Variants in WAC observed in about 807,000 individuals in gnomAD.
The protein encoded by WAC is WW domain-containing adapter protein with coiled-coil.
WAC carries 11 observed loss-of-function variants against 79.6 expected under a neutral mutation model. The ratio of observed to expected loss-of-function variants is 0.14; its 90% CI spans 0.09 to 0.23. The LOEUF is 0.23. WAC is among the 10% of genes least tolerant of loss of function. The probability of loss-of-function intolerance (pLI) is 1.00; values close to 1 mark genes in which losing one functional copy is unlikely to be tolerated. For missense variants in WAC, 728 were observed against 773.5 expected, an observed-to-expected ratio of 0.94 and a Z score of 0.70; for synonymous variants, 304 against 276.9, an observed-to-expected ratio of 1.10 and a Z score of -0.97.
At chr10:28,533,950 C>G (rs754715301) in intron 1 of WAC, 48 bp from the exon 2 acceptor site, 1 of 1,601,866 alleles carries the variant, frequency 6.2e-7, no homozygotes, top group Non-Finnish European at 8.5e-7. Context: ...CCCCGGCCCC[C>G]CACCCGCGCC....
At chr10:28,574,373 C>T (rs1261286763) in intron 3 of WAC, among the ~76,000 whole-genome samples, 1 of 151,908 alleles carries the variant, frequency 6.6e-6, no homozygotes. Context: ...GTCTCAAACT[C>T]CTGACCTCGG....
intron 2 of WAC, 159 bp from the exon 3 acceptor site, chr10:28,535,403 G>C: frequency 1.5e-6 from 1 of 687,398 alleles, no homozygotes; most frequent in Non-Finnish European, 2.1e-6. Context: ...TAGGTTTTTT[G>C]TCTGAGAAAC....
At chr10:28,543,878 T>C (rs1837198056) in intron 3 of WAC, among the ~76,000 whole-genome samples, 1 of 151,868 alleles carries the variant, frequency 6.6e-6, no homozygotes, top group Non-Finnish European at 1.5e-5. Context: ...TTTTGTTTTT[T>C]GTTGTTGCTG....
intron 3 of WAC, among the ~76,000 whole-genome samples, chr10:28,555,788 G>A (rs1006120699): frequency 6.6e-6 from 1 of 152,134 alleles, no homozygotes; most frequent in Non-Finnish European, 1.5e-5. Context: ...TGGTGGCTTT[G>A]TAAGAAGAGG....
At chr10:28,565,577 T>G (rs568680706) in intron 3 of WAC, among the ~76,000 whole-genome samples, 2 of 152,218 alleles carry the variant, frequency 1.3e-5, no homozygotes, top group Non-Finnish European at 2.9e-5. Context: ...CAGAATAATC[T>G]TCACTTATTG....
In WAC at chr10:28,572,833, A is replaced by T. The variant is rs73609823; in HGVS notation, c.275-10566A>T. On this transcript the variant is annotated intron_variant, in intron 3 of 13. Transcript: ENST00000354911. ...TCTCAGCAACAACAACAAAAACCTT[A>T]CTCTTGAAATCTTAGCTAATTCCTT... 4.1e-3 allele frequency among the ~76,000 whole-genome samples: 628 copies of T among 152,198 alleles called. 6 individuals are homozygous for T. Among genetic ancestry groups the T allele is most frequent in the African/African-American group, 0.015 (605 of 41,530 alleles).
At chr10:28,555,160 TCTAC>T (rs1331596517) in intron 3 of WAC, among the ~76,000 whole-genome samples, 1 of 152,122 alleles carries the variant, frequency 6.6e-6, no homozygotes, top group Admixed American at 6.6e-5. Flanking sequence ...TTTCCAACCT[TCTAC>T]TCTTCAGTAT....
At chr10:28,574,707 G>A (rs1444648013) in intron 3 of WAC, among the ~76,000 whole-genome samples, 1 of 152,196 alleles carries the variant, frequency 6.6e-6, no homozygotes, top group Non-Finnish European at 1.5e-5. Flanking sequence ...GCCTCCCAAA[G>A]TGCTAGGATT....
intron 3 of WAC, among the ~76,000 whole-genome samples, chr10:28,543,677 A>G (rs1048886947): frequency 6.6e-6 from 1 of 152,250 alleles, no homozygotes; most frequent in South Asian, 2.1e-4. Context: ...TGAGCTATAT[A>G]GTGCTTCTTG....
chr10:28,617,285 G>A (rs925603520), intron 12 of WAC, among the ~76,000 whole-genome samples: 1 of 152,212 alleles, frequency 6.6e-6, no homozygotes, highest in African/African-American at 2.4e-5. Context: ...TCTTACGATA[G>A]AGGAGTATAG....
At chr10:28,563,744 CTTTTTTTTTTT>C (rs71281550) in intron 3 of WAC, among the ~76,000 whole-genome samples, 782 of 67,914 alleles carry the variant, frequency 0.012, 5 homozygotes, top group African/African-American at 0.027. Context: ...CTACACCCAG[CTTTTTTTTTTT>C]TTTTTTTTTT....
intron 3 of WAC, among the ~76,000 whole-genome samples, chr10:28,565,859 G>A (rs145186997): frequency 6.6e-6 from 1 of 152,156 alleles, no homozygotes; most frequent in African/African-American, 2.4e-5. Flanking sequence ...AATTTATTTT[G>A]AGCCTGTCAA....
chr10:28,610,770 G>T lies in WAC; in HGVS notation c.1237G>T (p.Ala413Ser), dbSNP rs1285135094. The change falls in exon 9 of 14, where the codon GCT becomes TCT. Residue 413 changes from alanine to serine, a missense_variant. Physicochemically the swap from Ala to Ser is moderately conservative, Grantham distance 99 (BLOSUM62 1). Coordinates refer to ENST00000354911, the MANE Select transcript of WAC (RefSeq NM_016628.5). ...IHKFLTAGPS[A>S]FNITSLISQA... Reference sequence around the variant, plus strand: ...TAAGTTTCTTACTGCTGGACCATCTGCTTTCAACATAACGTCTCTGATTTC... The same window carrying T: ...TAAGTTTCTTACTGCTGGACCATCTTCTTTCAACATAACGTCTCTGATTTC... The T allele has an allele frequency of 3.7e-6, 6 of 1,612,288 alleles. No individual in the cohort carries two copies. The highest frequency in any genetic ancestry group is 5.1e-6 in the Non-Finnish European group (6 of 1,179,646).
intron 3 of WAC, among the ~76,000 whole-genome samples, chr10:28,579,698 T>C (rs1839435092): frequency 6.6e-6 from 1 of 152,204 alleles, no homozygotes; most frequent in African/African-American, 2.4e-5. Flanking sequence ...ATCAGTTTGT[T>C]CTTCTACTTG....
chr10:28,579,426 G>A (rs996973807), intron 3 of WAC, among the ~76,000 whole-genome samples: 1 of 152,084 alleles, frequency 6.6e-6, no homozygotes, highest in African/African-American at 2.4e-5. Flanking sequence ...CTAGATTTGG[G>A]ATTGAAATTC....
chr10:28,603,859 G>T (rs778717088), intron 7 of WAC, among the ~76,000 whole-genome samples: 2 of 149,026 alleles, frequency 1.3e-5, no homozygotes, highest in South Asian at 2.2e-4. Context: ...GCGTGAACCC[G>T]GGAGGCAGAT....
intron 4 of WAC, among the ~76,000 whole-genome samples, chr10:28,585,684 C>T (rs981150955): frequency 1.3e-5 from 2 of 151,900 alleles, no homozygotes; most frequent in Non-Finnish European, 2.9e-5. Context: ...TATTACTTTA[C>T]AAAGTAACAC....
intron 3 of WAC, among the ~76,000 whole-genome samples, chr10:28,579,455 G>A (rs1342464351): frequency 6.6e-6 from 1 of 152,044 alleles, no homozygotes; most frequent in Non-Finnish European, 1.5e-5. Context: ...AGTTTTATGC[G>A]TGGATTCTGC....
intron 3 of WAC, among the ~76,000 whole-genome samples, chr10:28,571,534 G>A (rs575250205): frequency 6.6e-6 from 1 of 152,344 alleles, no homozygotes; most frequent in South Asian, 2.1e-4. Context: ...TCCCTTGACT[G>A]AAGGTTGTTG....
Sources: allele counts gnomAD v4.1 joint callset (sites outside exome capture counted in the v4.1 genomes callset), GRCh38; gene constraint gnomAD v4.1.1; transcripts MANE v1.5; gene names NCBI Gene and HGNC (gene_info 2026-07-23, HGNC 2026-07-21).